SH3GLB1: variants seen among roughly 807,000 people sequenced by gnomAD.
SH3GLB1 encodes endophilin-B1.
Under a neutral mutation model 42.0 loss-of-function variants are expected in SH3GLB1, and 17 were observed. That is an observed-to-expected ratio of 0.40 (90% CI 0.28 to 0.61). SH3GLB1 has a LOEUF of 0.61. Ranked by LOEUF, SH3GLB1 falls within the 20% of genes least tolerant of loss-of-function variation. The pLI is 0.36. For synonymous variants in SH3GLB1, 132 were observed against 146.6 expected (o/e 0.90, Z 0.72); for missense variants, 355 against 426.3 (o/e 0.83, Z 1.47).
chr1:86,720,852 C>T (rs963361037), intron 3 of SH3GLB1, among the ~76,000 whole-genome samples: 1 of 152,150 alleles, frequency 6.6e-6, no homozygotes, highest in Admixed American at 6.5e-5. Flanking sequence ...AACTTTGAAA[C>T]TTCTACATTG....
chr1:86,715,831 GAAAC>G lies in SH3GLB1; in HGVS notation c.185_188del (p.Gln62LeufsTer13). The G allele has an allele frequency of 6.2e-7, 1 of 1,612,072 alleles. No homozygotes were observed. The highest frequency in any genetic ancestry group is 1.1e-5 in the South Asian group (1 of 90,472). On this transcript the variant is annotated frameshift_variant, in exon 2 of 9. Coordinates refer to ENST00000370558, the MANE Select transcript of SH3GLB1 (RefSeq NM_016009.5). LOFTEE classifies it high-confidence loss of function. The stretch of plus-strand genomic sequence containing the variant: ...CCAAAATATGGACAGAAAAAATAAT[GAAAC>G]AAACTGAAGTGTTATTGCAGCCAAA...
chr1:86,725,081 T>A (rs560189392), intron 5 of SH3GLB1, among the ~76,000 whole-genome samples: 10 of 150,720 alleles, frequency 6.6e-5, no homozygotes, highest in East Asian at 1.9e-4. Context: ...TCATTTTTTT[T>A]AAATATCGTC....
intron 1 of SH3GLB1, 35 bp from the exon 2 acceptor site, chr1:86,715,689 A>G: frequency 3.2e-6 from 5 of 1,558,414 alleles, no homozygotes; most frequent in Non-Finnish European, 4.3e-6. Flanking sequence ...ATTTATTTGC[A>G]GTATATTTAA....
At chr1:86,715,650 C>G (rs920279180) in intron 1 of SH3GLB1, 74 bp from the exon 2 acceptor site, 10 of 1,435,210 alleles carry the variant, frequency 7.0e-6, no homozygotes, top group Non-Finnish European at 9.4e-6. Context: ...TTTGAATTTG[C>G]TTTTTACTTA....
intron 5 of SH3GLB1, among the ~76,000 whole-genome samples, chr1:86,731,591 A>T (rs574513543): frequency 6.6e-6 from 1 of 152,364 alleles, no homozygotes; most frequent in Admixed American, 6.5e-5. Flanking sequence ...CCTCTTTGGC[A>T]TAAAGATATG....
intron 3 of SH3GLB1, among the ~76,000 whole-genome samples, 188 bp downstream of exon 3, chr1:86,719,823 G>A (rs572044246): frequency 4.6e-5 from 7 of 151,620 alleles, no homozygotes; most frequent in African/African-American, 9.7e-5. Flanking sequence ...GTGAAACCCC[G>A]TCTCTACTAA....
In SH3GLB1 at chr1:86,704,835, C is replaced by A; in HGVS notation, c.-65C>A. 8.5e-7 allele frequency: 1 copy of A among 1,171,150 alleles called. No homozygotes were observed. Among genetic ancestry groups the A allele is most frequent in the Non-Finnish European group, 1.2e-6 (1 of 828,444 alleles). 72.5% of individuals were successfully genotyped at this position (1,171,150 alleles called of 1,614,324 possible). A position where few individuals can be genotyped will look rare whatever the true frequency, so the allele number is the denominator to read the frequency against. ...TCGCCGCTCTAGCCCTGCGCCCCAG[C>A]CCGGCCGCGGCACCTCCGCCTCGCC... On this transcript the variant is annotated 5_prime_UTR_variant, in exon 1 of 9. Transcript: ENST00000370558.
intron 3 of SH3GLB1, among the ~76,000 whole-genome samples, chr1:86,719,978 A>G (rs546055627): frequency 1.9e-4 from 27 of 145,626 alleles, no homozygotes; most frequent in African/African-American, 6.8e-4. Flanking sequence ...CCTGGGCCAC[A>G]GAACGAGACT....
Position 86,743,202 on chromosome 1 carries a change from G to A in SH3GLB1, c.1065G>A (p.Lys355=), listed in dbSNP as rs1277393334. 1 of 1,613,432 alleles carries A rather than the reference G, an allele frequency of 6.2e-7. No homozygotes were observed. The highest frequency in any genetic ancestry group is 8.5e-7 in the Non-Finnish European group (1 of 1,179,786). Residue 355 remains lysine (K), a synonymous_variant, in exon 9 of 9, where the codon AAG becomes AAA. Coordinates refer to ENST00000370558, the MANE Select transcript of SH3GLB1 (RefSeq NM_016009.5). ...LMGERGNQKG[K]VPITYLELLN is the part of the protein sequence containing the mutation. ...GGGAAAGGGGAAACCAGAAGGGCAA[G>A]GTGCCAATTACCTACTTAGAACTGC...
At chr1:86,713,923 T>C (rs370224376) in intron 1 of SH3GLB1, among the ~76,000 whole-genome samples, 1 of 152,218 alleles carries the variant, frequency 6.6e-6, no homozygotes, top group African/African-American at 2.4e-5. Context: ...AAACCTTATA[T>C]GTTTTGTTGG....
chr1:86,734,555 T>C, intron 5 of SH3GLB1, 47 bp from the exon 6 acceptor site: 1 of 1,358,058 alleles, frequency 7.4e-7, no homozygotes. Context: ...GTATATAAGA[T>C]GGACTGAGTC....
chr1:86,705,568 TG>T (rs1653811840), intron 1 of SH3GLB1, among the ~76,000 whole-genome samples: 1 of 152,114 alleles, frequency 6.6e-6, no homozygotes, highest in Non-Finnish European at 1.5e-5. Context: ...AACCTAGGGT[TG>T]GGGGGTTTTC....
chr1:86,742,585 C>G (rs1210859287), intron 8 of SH3GLB1, 149 bp downstream of exon 8: 11 of 515,958 alleles, frequency 2.1e-5, no homozygotes, highest in Non-Finnish European at 3.4e-5. Context: ...AATTAATATT[C>G]TTTAATAGAA....
At chr1:86,735,994 G>A in intron 7 of SH3GLB1, among the ~76,000 whole-genome samples, 1 of 152,146 alleles carries the variant, frequency 6.6e-6, no homozygotes, top group South Asian at 2.1e-4. Flanking sequence ...ATCTTGGTAG[G>A]AATAATCTAG....
intron 2 of SH3GLB1, among the ~76,000 whole-genome samples, chr1:86,716,339 A>C (rs1382816531): frequency 6.6e-6 from 1 of 151,942 alleles, no homozygotes; most frequent in East Asian, 1.9e-4. Context: ...CAATGGTGTG[A>C]TCTTGGCTCA....
In SH3GLB1 at chr1:86,719,719, G is replaced by T; in HGVS notation, c.343+84G>T. On this transcript the variant is annotated intron_variant, in intron 3 of 8. Transcript: ENST00000370558. ...ATGTCATTAACATATTAGTAGGCCGGGTGCAGTGGCTCACACCTGTAATCC... is the reference window on the plus strand; with the variant it reads ...ATGTCATTAACATATTAGTAGGCCGTGTGCAGTGGCTCACACCTGTAATCC... 2.8e-6 allele frequency: 4 copies of T among 1,414,516 alleles called. No individual in the cohort carries two copies. The South Asian group carries it at 5.5e-5, about 19-fold the overall frequency. 87.6% of individuals were successfully genotyped at this position (1,414,516 alleles called of 1,614,324 possible). A position where few individuals can be genotyped will look rare whatever the true frequency, so the allele number is the denominator to read the frequency against.
chr1:86,723,551 G>C (rs915658701), intron 4 of SH3GLB1, among the ~76,000 whole-genome samples: 1 of 151,896 alleles, frequency 6.6e-6, no homozygotes, highest in Non-Finnish European at 1.5e-5. Context: ...ATAAAAATTA[G>C]CTTATCAGTG....
chr1:86,733,915 C>T (rs762627333), intron 5 of SH3GLB1, among the ~76,000 whole-genome samples: 2 of 151,996 alleles, frequency 1.3e-5, no homozygotes, highest in African/African-American at 2.4e-5. Flanking sequence ...TAACAGCACA[C>T]TACTGATTGA....
intron 2 of SH3GLB1, among the ~76,000 whole-genome samples, chr1:86,717,329 T>G (rs1428108184): frequency 6.6e-6 from 1 of 152,200 alleles, no homozygotes; most frequent in Non-Finnish European, 1.5e-5. Flanking sequence ...AACAGGGAAA[T>G]AAAATACAAT....
Sources: allele counts gnomAD v4.1 joint callset (sites outside exome capture counted in the v4.1 genomes callset), GRCh38; gene constraint gnomAD v4.1.1; transcripts MANE v1.5; gene names NCBI Gene and HGNC (gene_info 2026-07-23, HGNC 2026-07-21).